AUTS2: variants seen among roughly 807,000 people sequenced by gnomAD.
AUTS2 encodes the protein activator of transcription and developmental regulator AUTS2, also known as autism susceptibility gene 2 protein.
Under a neutral mutation model 112.4 loss-of-function variants are expected in AUTS2, and 17 were observed. The ratio of observed to expected loss-of-function variants is 0.15; its 90% CI spans 0.10 to 0.23. The LOEUF (loss-of-function observed/expected upper bound fraction) is 0.23, where lower values mean the gene tolerates loss of function less well. Among genes scored for constraint, AUTS2 ranks in the 10% least tolerant of loss-of-function variants. The probability of loss-of-function intolerance (pLI) is 1.00; values close to 1 mark genes in which losing one functional copy is unlikely to be tolerated. For synonymous variants in AUTS2, 751 were observed against 702.7 expected, an observed-to-expected ratio of 1.07 and a Z score of -1.09; for missense variants, 1,510 against 1,701.6, an observed-to-expected ratio of 0.89 and a Z score of 1.98.
intron 1 of AUTS2, among the ~76,000 whole-genome samples, chr7:69,708,020 G>T (rs761444906): frequency 6.6e-6 from 1 of 152,042 alleles, no homozygotes; most frequent in Non-Finnish European, 1.5e-5. Flanking sequence ...TCTTCCTCTC[G>T]GTCGTTGCTT....
chr7:69,886,763 TTGTGTGTGTGTG>T (rs3220664), intron 1 of AUTS2, among the ~76,000 whole-genome samples: 1,449 of 129,862 alleles, frequency 0.011, 14 homozygotes, highest in Admixed American at 0.013. Flanking sequence ...TTTGACTTCT[TTGTGTGTGTGTG>T]TGTGTGTGTG....
intron 1 of AUTS2, among the ~76,000 whole-genome samples, chr7:69,614,367 T>TCTTTCTTTTCTTTC (rs57602451): frequency 1.2e-4 from 11 of 90,278 alleles, no homozygotes; most frequent in Admixed American, 4.7e-4. Context: ...TTTCTTTCTT[T>TCTTTCTTTTCTTTC]TTTTAAGAGA....
chr7:69,998,146 G>T (rs1799029331), intron 2 of AUTS2, among the ~76,000 whole-genome samples: 1 of 152,162 alleles, frequency 6.6e-6, no homozygotes, highest in African/African-American at 2.4e-5. Context: ...TTGCAGAGGA[G>T]TGATTTGATT....
chr7:69,816,119 G>GT (rs1167679905), intron 1 of AUTS2, among the ~76,000 whole-genome samples: 1 of 152,194 alleles, frequency 6.6e-6, no homozygotes, highest in East Asian at 1.9e-4. Context: ...GCCTAGGTTT[G>GT]TGTATTCAGG....
At chr7:70,003,420 T>TTATATATGAATATATATAA (rs1563029722) in intron 2 of AUTS2, among the ~76,000 whole-genome samples, 6 of 110,908 alleles carry the variant, frequency 5.4e-5, no homozygotes, top group East Asian at 5.1e-4. Flanking sequence ...TATGAATATG[T>TTATATATGAATATATATAA]TATATATGAA....
intron 4 of AUTS2, among the ~76,000 whole-genome samples, chr7:70,227,970 G>A (rs563866424): frequency 3.9e-4 from 59 of 152,056 alleles, no homozygotes; most frequent in Non-Finnish European, 5.6e-4. Context: ...CTATATTCTT[G>A]TTGGTTTTCT....
chr7:70,337,085 T>C (rs963361935), intron 4 of AUTS2, among the ~76,000 whole-genome samples: 3 of 152,154 alleles, frequency 2.0e-5, no homozygotes, highest in Admixed American at 6.5e-5. Flanking sequence ...TCCCTTCATC[T>C]CCAGGAACTG....
intron 5 of AUTS2, among the ~76,000 whole-genome samples, chr7:70,564,604 A>G (rs1305125225): frequency 6.6e-6 from 1 of 152,202 alleles, no homozygotes; most frequent in Non-Finnish European, 1.5e-5. Flanking sequence ...GTTTGCATAT[A>G]GTGGGTATCA....
chr7:70,614,810 AG>A, intron 5 of AUTS2, among the ~76,000 whole-genome samples: 1 of 152,354 alleles, frequency 6.6e-6, no homozygotes, highest in South Asian at 2.1e-4. Context: ...AAGCCTAGCC[AG>A]CTGGCACTCT....
intron 4 of AUTS2, among the ~76,000 whole-genome samples, chr7:70,261,428 C>A (rs1014739930): frequency 2.0e-5 from 3 of 152,102 alleles, no homozygotes; most frequent in Non-Finnish European, 4.4e-5. Context: ...ACATATTTGT[C>A]CAAACTCATC....
intron 2 of AUTS2, among the ~76,000 whole-genome samples, chr7:69,973,964 A>G (rs1797958148): frequency 6.6e-6 from 1 of 151,978 alleles, no homozygotes; most frequent in African/African-American, 2.4e-5. Context: ...TTCACTCCTT[A>G]TTTGTTTGCT....
chr7:70,255,915 C>A (rs563825794), intron 4 of AUTS2, among the ~76,000 whole-genome samples: 1 of 152,186 alleles, frequency 6.6e-6, no homozygotes, highest in Non-Finnish European at 1.5e-5. Context: ...GTGGAAAGAA[C>A]CAGCCTATAA....
chr7:70,584,738 C>T (rs539378399), intron 5 of AUTS2, among the ~76,000 whole-genome samples: 3 of 152,364 alleles, frequency 2.0e-5, no homozygotes, highest in African/African-American at 7.2e-5. Context: ...GAGTGCTGGC[C>T]TTGCTCTGAA....
At chr7:70,190,816 AT>A (rs933337192) in intron 4 of AUTS2, among the ~76,000 whole-genome samples, 1 of 151,946 alleles carries the variant, frequency 6.6e-6, no homozygotes, top group African/African-American at 2.4e-5. Flanking sequence ...ATTGCTTATA[AT>A]TTTTTTTCAG....
At chr7:69,779,134 C>T (rs1226017994) in intron 1 of AUTS2, among the ~76,000 whole-genome samples, 1 of 149,808 alleles carries the variant, frequency 6.7e-6, no homozygotes, top group African/African-American at 2.5e-5. Flanking sequence ...CTCAAGTGAT[C>T]CGTCTCTGCC....
chr7:70,256,529 G>A (rs908819097), intron 4 of AUTS2, among the ~76,000 whole-genome samples: 1 of 152,178 alleles, frequency 6.6e-6, no homozygotes, highest in Non-Finnish European at 1.5e-5. Flanking sequence ...TGTTCTGTAC[G>A]AGGAAGCAGT....
At position 69,633,124 on chromosome 7, in the gene AUTS2, TTC is replaced by T. The variant is rs1205087495; in HGVS notation, c.309+33166_309+33167del. Among the ~76,000 whole-genome samples, 4 of 152,196 alleles carry T rather than the reference TTC, an allele frequency of 2.6e-5. No homozygotes were observed. The South Asian group carries it at 8.3e-4, about 31-fold the overall frequency. The stretch of plus-strand genomic sequence containing the variant: ...CCTACCCCTAGTAACCACTGTTTTG[TTC>T]TCTGTCTCTGAATATTTGAAAAAAA... On this transcript the variant is annotated intron_variant, in intron 1 of 18. Coordinates refer to ENST00000342771, the MANE Select transcript of AUTS2 (RefSeq NM_015570.4).
chr7:69,858,999 A>G (rs890076233), intron 1 of AUTS2, among the ~76,000 whole-genome samples: 4 of 152,236 alleles, frequency 2.6e-5, no homozygotes, highest in African/African-American at 7.2e-5. Flanking sequence ...TAGGACTGTT[A>G]TATTAAACAT....
At chr7:70,646,688 CTG>C (rs1182377849) in intron 5 of AUTS2, among the ~76,000 whole-genome samples, 2 of 152,258 alleles carry the variant, frequency 1.3e-5, no homozygotes, top group Non-Finnish European at 2.9e-5. Flanking sequence ...ATCGAACAGA[CTG>C]TGCCGCTGAC....
Sources: gnomAD v4.1 joint callset for allele counts (sites outside exome capture counted in the v4.1 genomes callset) on GRCh38, gnomAD v4.1.1 for gene constraint, MANE v1.5 for transcripts, NCBI Gene and HGNC (gene_info 2026-07-23, HGNC 2026-07-21) for gene names.